Variants in EML6 observed in about 807,000 individuals in gnomAD.
EML6 encodes echinoderm microtubule-associated protein-like 6.
Under a neutral mutation model 240.1 loss-of-function variants are expected in EML6, and 154 were observed. The ratio of observed to expected loss-of-function variants is 0.64; its 90% CI spans 0.56 to 0.73. The LOEUF (loss-of-function observed/expected upper bound fraction) is 0.73, where lower values mean the gene tolerates loss of function less well. Among genes scored for constraint, EML6 ranks in the 30% least tolerant of loss-of-function variants. The pLI is 0.00. For missense variants in EML6, 2,964 were observed against 2,474.6 expected, an observed-to-expected ratio of 1.20 and a Z score of -4.20; for synonymous variants, 1,148 against 899.0, an observed-to-expected ratio of 1.28 and a Z score of -4.95.
chr2:54,870,545 G>A (rs927833621), intron 15 of EML6, among the ~76,000 whole-genome samples: 4 of 152,222 alleles, frequency 2.6e-5, no homozygotes, highest in African/African-American at 7.2e-5. Flanking sequence ...GAGACCTACT[G>A]TGTTAGCTGA....
chr2:54,804,102 A>C (rs192687278), intron 2 of EML6, among the ~76,000 whole-genome samples: 1 of 152,256 alleles, frequency 6.6e-6, no homozygotes, highest in South Asian at 2.1e-4. Context: ...TGTGTGCTAC[A>C]CTACAAGAAA....
At chr2:54,827,954 A>C (rs55889455) in intron 6 of EML6, among the ~76,000 whole-genome samples, 3,244 of 152,288 alleles carry the variant, frequency 0.021, 125 homozygotes, top group African/African-American at 0.074. Flanking sequence ...CCCTCACCTT[A>C]ACTATTAATT....
At position 54,963,998 on chromosome 2, in the gene EML6, A is replaced by G. The variant is rs1287460448; in HGVS notation, c.5170A>G (p.Lys1724Glu). ...WDLADKKLLN[K>E]VSLGHAARCA... ...TGCATCAATGTAGAAGCTGTTAAAC[A>G]AGGTGAGCTTGGGCCATGCGGCCAG... Residue 1724 changes from lysine (K) to glutamate (E), a missense_variant, in exon 37 of 42, where the codon AAG (lysine) becomes GAG (glutamate). Transcript: ENST00000356458. 1 of 1,550,474 alleles carries G rather than the reference A, an allele frequency of 6.4e-7. No individual in the cohort carries two copies. Among genetic ancestry groups the G allele is most frequent in the Non-Finnish European group, 8.7e-7 (1 of 1,146,614 alleles).
intron 11 of EML6, among the ~76,000 whole-genome samples, chr2:54,857,568 C>T (rs1001049117): frequency 3.3e-5 from 5 of 152,186 alleles, no homozygotes; most frequent in African/African-American, 1.2e-4. Flanking sequence ...ATATAAACAT[C>T]TGATTGTGAG....
intron 12 of EML6, among the ~76,000 whole-genome samples, chr2:54,863,109 G>C (rs1038576101): frequency 6.6e-6 from 1 of 152,182 alleles, no homozygotes; most frequent in African/African-American, 2.4e-5. Context: ...AAAATTATTT[G>C]AATAAATGTT....
At chr2:54,859,874 G>A (rs1401856228) in intron 12 of EML6, among the ~76,000 whole-genome samples, 173 bp downstream of exon 12, 3 of 152,162 alleles carry the variant, frequency 2.0e-5, no homozygotes, top group Admixed American at 6.5e-5. Flanking sequence ...GGGTCAGTTG[G>A]ATAATTTTCT....
intron 2 of EML6, among the ~76,000 whole-genome samples, chr2:54,744,960 A>ACACACACC (rs1230491754): frequency 2.4e-4 from 21 of 88,332 alleles, no homozygotes; most frequent in South Asian, 4.6e-4. Flanking sequence ...ACACACACAC[A>ACACACACC]CACCCTGCCA....
At chr2:54,858,049 C>T (rs116565765) in intron 11 of EML6, among the ~76,000 whole-genome samples, 12 of 152,262 alleles carry the variant, frequency 7.9e-5, no homozygotes, top group Non-Finnish European at 1.8e-4. Context: ...TCAAGGAGTC[C>T]CAAGAAGCTT....
At chr2:54,893,622 C>A (rs59555902) in intron 19 of EML6, among the ~76,000 whole-genome samples, 6,516 of 152,240 alleles carry the variant, frequency 0.043, 476 homozygotes, top group African/African-American at 0.15. Context: ...ATTCAATCAA[C>A]TTGCCAGCAA....
chr2:54,877,796 A>G (rs191066988), intron 16 of EML6, among the ~76,000 whole-genome samples: 396 of 152,368 alleles, frequency 2.6e-3, no homozygotes, highest in Middle Eastern at 0.017. Flanking sequence ...TGAAAGGGTC[A>G]GGTAACTTTC....
intron 25 of EML6, 91 bp downstream of exon 25, chr2:54,911,133 G>T: frequency 1.5e-6 from 1 of 660,292 alleles, no homozygotes; most frequent in South Asian, 2.1e-5. Context: ...CCACTAATAT[G>T]GGTTATATTT....
chr2:54,736,986 G>A (rs935313637), intron 2 of EML6, among the ~76,000 whole-genome samples: 1 of 152,216 alleles, frequency 6.6e-6, no homozygotes, highest in Non-Finnish European at 1.5e-5. Context: ...CCAGGTTAAA[G>A]GAGACTAGAA....
intron 14 of EML6, chr2:54,868,312 G>C (rs1422292853): frequency 6.6e-6 from 1 of 152,042 alleles, no homozygotes; most frequent in African/African-American, 2.4e-5. Context: ...ATTACTAATT[G>C]TGACATATAA....
chr2:54,733,385 G>A (rs1027067159), intron 2 of EML6, among the ~76,000 whole-genome samples: 1 of 152,200 alleles, frequency 6.6e-6, no homozygotes, highest in African/African-American at 2.4e-5. Context: ...TTCTAAGTAA[G>A]GGATCATCAG....
At chr2:54,813,448 T>C (rs1667949843) in intron 3 of EML6, 57 bp downstream of exon 3, 1 of 1,373,248 alleles carries the variant, frequency 7.3e-7, no homozygotes, top group East Asian at 2.5e-5. Context: ...CACTTAAAAC[T>C]ATAATAGGAA....
Position 54,843,964 on chromosome 2 carries a change from TTGTGTGTG to T in EML6, c.848-50_848-43del, listed in dbSNP as rs70944190. 8.8e-3 allele frequency: 5,814 copies of T among 658,594 alleles called. 19 individuals are homozygous for T. Among genetic ancestry groups the T allele is most frequent in the Non-Finnish European group, 0.012 (4,418 of 380,682 alleles). The allele number at this position is 658,594 out of a possible 1,614,324, so 40.8% of individuals were successfully genotyped here. On this transcript the variant is annotated intron_variant, in intron 7 of 41. Coordinates refer to ENST00000356458, the MANE Select transcript of EML6 (RefSeq NM_001039753.4). ...GTTAAAGGGCATTTACTTTAGGGTTTTGTGTGTGTGTGTGTGTGTGTGTGTGTGTGTGT... is the reference window on the plus strand; with the variant it reads ...GTTAAAGGGCATTTACTTTAGGGTTTTGTGTGTGTGTGTGTGTGTGTGTGT...
intron 17 of EML6, among the ~76,000 whole-genome samples, chr2:54,886,874 C>T (rs566379079): frequency 9.9e-5 from 15 of 152,276 alleles, no homozygotes; most frequent in African/African-American, 3.1e-4. Context: ...TTTATAGGTA[C>T]TTCCTGTCAC....
chr2:54,928,430 A>C lies in EML6; in HGVS notation c.3793A>C (p.Ile1265Leu). The C allele has an allele frequency of 6.4e-7, 1 of 1,551,334 alleles. No individual in the cohort carries two copies. The highest frequency in any genetic ancestry group is 8.7e-7 in the Non-Finnish European group (1 of 1,146,790). ...GGGCGGCGCCGACACAGCCCTGATG[A>C]TCTGGACCAGGGAGTTTGTGGGGAC... ...TVGGADTALM[I>L]WTREFVGTQE... Residue 1265 changes from isoleucine (I) to leucine (L), a missense_variant, in exon 27 of 42, where the codon ATC becomes CTC. By Grantham distance (5) the Ile-to-Leu change is conservative. Transcript: ENST00000356458.
At chr2:54,832,129 C>T (rs1350085172) in intron 7 of EML6, among the ~76,000 whole-genome samples, 1 of 152,072 alleles carries the variant, frequency 6.6e-6, no homozygotes, top group African/African-American at 2.4e-5. Flanking sequence ...TTCCAGTCCT[C>T]AGTGAAAAAA....
Sources: allele counts gnomAD v4.1 joint callset (sites outside exome capture counted in the v4.1 genomes callset), GRCh38; gene constraint gnomAD v4.1.1; transcripts MANE v1.5; gene names NCBI Gene and HGNC (gene_info 2026-07-23, HGNC 2026-07-21).